Variants in THRB observed in about 807,000 individuals in gnomAD.
The protein encoded by THRB is thyroid hormone receptor beta, also known as nuclear receptor subfamily 1 group A member 2.
THRB carries 12 observed loss-of-function variants against 47.8 expected under a neutral mutation model. The observed-to-expected ratio is 0.25, with a 90% CI of 0.16 to 0.41. The LOEUF (loss-of-function observed/expected upper bound fraction) is 0.41, where lower values mean the gene tolerates loss of function less well. THRB is among the 10% of genes least tolerant of loss of function. THRB has a pLI of 1.00. For synonymous variants in THRB, 218 were observed against 212.2 expected (o/e 1.03, Z -0.24); for missense variants, 348 against 589.2 (o/e 0.59, Z 4.24).
intron 5 of THRB, among the ~76,000 whole-genome samples, chr3:24,181,937 C>T (rs1360410155): frequency 5.9e-5 from 9 of 152,272 alleles, no homozygotes; most frequent in Non-Finnish European, 5.9e-5. Flanking sequence ...TGCGGTGGCT[C>T]GTGCCTGTAA....
intron 4 of THRB, among the ~76,000 whole-genome samples, chr3:24,197,662 C>CT (rs11380479): frequency 0.47 from 71,930 of 151,974 alleles, 19,348 homozygotes; most frequent in African/African-American, 0.75. Flanking sequence ...CAAAATACCC[C>CT]GAAACTGAAC....
intron 1 of THRB, among the ~76,000 whole-genome samples, chr3:24,477,146 G>A (rs1695600075): frequency 6.7e-6 from 1 of 149,746 alleles, no homozygotes; most frequent in African/African-American, 2.5e-5. Context: ...TGAAACAAAT[G>A]TTTCAAATAC....
chr3:24,385,645 T>C (rs2066039609), intron 1 of THRB, among the ~76,000 whole-genome samples: 1 of 152,024 alleles, frequency 6.6e-6, no homozygotes, highest in African/African-American at 2.4e-5. Flanking sequence ...CTCTAGCAAC[T>C]AAGAACTAAA....
At chr3:24,135,958 G>A (rs2034618125) in intron 8 of THRB, among the ~76,000 whole-genome samples, 2 of 151,370 alleles carry the variant, frequency 1.3e-5, no homozygotes, top group Admixed American at 1.3e-4. Flanking sequence ...TGGCCTGGCT[G>A]AATCTAAACA....
At chr3:24,165,681 C>A (rs1465504347) in intron 5 of THRB, 1 of 216,404 alleles carries the variant, frequency 4.6e-6, no homozygotes, top group East Asian at 1.0e-4. Context: ...GGGAAGATGG[C>A]AGGCAGGTAG....
chr3:24,298,578 T>G (rs537918343), intron 2 of THRB, among the ~76,000 whole-genome samples: 1 of 152,242 alleles, frequency 6.6e-6, no homozygotes. Flanking sequence ...CTGATTTTCA[T>G]AGATTGTTAG....
chr3:24,444,454 G>C (rs2071862542), intron 1 of THRB, among the ~76,000 whole-genome samples: 1 of 152,048 alleles, frequency 6.6e-6, no homozygotes, highest in Non-Finnish European at 1.5e-5. Flanking sequence ...ACCTTAAAAA[G>C]AATGCAGGAC....
intron 2 of THRB, among the ~76,000 whole-genome samples, chr3:24,330,358 G>A (rs1020455487): frequency 6.6e-6 from 1 of 152,176 alleles, no homozygotes; most frequent in Non-Finnish European, 1.5e-5. Context: ...AAATCACTTT[G>A]CCTGTAAGGA....
chr3:24,269,300 C>T (rs1053370052), intron 3 of THRB, among the ~76,000 whole-genome samples: 4 of 100,300 alleles, frequency 4.0e-5, no homozygotes, highest in Non-Finnish European at 9.2e-5. Context: ...CACACACACA[C>T]ACACACACAC....
At chr3:24,187,105 GT>G (rs2042692271) in intron 5 of THRB, among the ~76,000 whole-genome samples, 1 of 152,050 alleles carries the variant, frequency 6.6e-6, no homozygotes, top group Admixed American at 6.5e-5. Context: ...GCAATACATG[GT>G]TCTACTGCAC....
intron 3 of THRB, among the ~76,000 whole-genome samples, chr3:24,255,355 T>C (rs771419572): frequency 6.6e-6 from 1 of 152,180 alleles, no homozygotes; most frequent in Non-Finnish European, 1.5e-5. Context: ...ATCACATATA[T>C]AATACAATAT....
At chr3:24,282,728 C>T (rs1426319927) in intron 3 of THRB, among the ~76,000 whole-genome samples, 10 of 149,074 alleles carry the variant, frequency 6.7e-5, no homozygotes, top group South Asian at 2.1e-4. Context: ...ATCAAATAGA[C>T]GCAATAAAAA....
chr3:24,308,270 T>C (rs990188524), intron 2 of THRB, among the ~76,000 whole-genome samples: 4 of 152,186 alleles, frequency 2.6e-5, no homozygotes, highest in Non-Finnish European at 4.4e-5. Flanking sequence ...ATATTATCAA[T>C]AACAATAATG....
chr3:24,278,971 A>G (rs140180376), intron 3 of THRB, among the ~76,000 whole-genome samples: 2 of 152,206 alleles, frequency 1.3e-5, no homozygotes, highest in Non-Finnish European at 2.9e-5. Context: ...CAGCCTCCCA[A>G]GTAGTTAGGA....
intron 3 of THRB, among the ~76,000 whole-genome samples, chr3:24,267,766 T>C (rs2052814619): frequency 6.6e-6 from 1 of 152,158 alleles, no homozygotes; most frequent in South Asian, 2.1e-4. Context: ...CTCTGCCCCT[T>C]GACTATAAAT....
chr3:24,393,660 C>T (rs1188318991), intron 1 of THRB, among the ~76,000 whole-genome samples: 1 of 152,134 alleles, frequency 6.6e-6, no homozygotes, highest in Non-Finnish European at 1.5e-5. Flanking sequence ...TTTTAAACAG[C>T]TGGGTACTTC....
chr3:24,315,921 G>C (rs904619001), intron 2 of THRB, among the ~76,000 whole-genome samples: 1 of 152,110 alleles, frequency 6.6e-6, no homozygotes, highest in South Asian at 2.1e-4. Flanking sequence ...TATGATTCAG[G>C]CTTGACAATT....
intron 1 of THRB, among the ~76,000 whole-genome samples, chr3:24,491,660 T>G (rs1698159320): frequency 1.3e-5 from 2 of 152,234 alleles, no homozygotes; most frequent in South Asian, 4.1e-4. Flanking sequence ...GCCCAAATTG[T>G]ACCACCATGC....
At position 24,477,600 on chromosome 3, in the gene THRB, A is replaced by T. The variant is rs75377472; in HGVS notation, c.-261+17052T>A. Reference sequence around the variant, plus strand: ...AGGATATGGAAGTCAGTCTGAGGAGATTGAGAGGAACAGACCTAACAGAAA... The same window carrying T: ...AGGATATGGAAGTCAGTCTGAGGAGTTTGAGAGGAACAGACCTAACAGAAA... On this transcript the variant is annotated intron_variant, in intron 1 of 10. Transcript: ENST00000646209. Among the ~76,000 whole-genome samples the T allele has an allele frequency of 5.3e-5, 8 of 152,176 alleles. No individual in the cohort carries two copies. In the East Asian group the frequency reaches 1.5e-3, roughly 29 times the overall value.
Sources: gnomAD v4.1 joint callset for allele counts (sites outside exome capture counted in the v4.1 genomes callset) on GRCh38, gnomAD v4.1.1 for gene constraint, MANE v1.5 for transcripts, NCBI Gene and HGNC (gene_info 2026-07-23, HGNC 2026-07-21) for gene names.